Variants in LSAMP observed in about 807,000 individuals in gnomAD.
LSAMP encodes the protein limbic system associated membrane protein.
LSAMP carries 7 observed loss-of-function variants against 38.6 expected under a neutral mutation model. The ratio of observed to expected loss-of-function variants is 0.18; its 90% CI spans 0.10 to 0.34. LSAMP has a LOEUF of 0.34. Ranked by LOEUF, LSAMP falls within the 10% of genes least tolerant of loss-of-function variation. LSAMP has a pLI of 1.00. For synonymous variants in LSAMP, 154 were observed against 166.8 expected (o/e 0.92, Z 0.59); for missense variants, 313 against 420.0 (o/e 0.75, Z 2.23).
In LSAMP at chr3:116,445,224, C is replaced by T. The variant is rs560406120; in HGVS notation, c.-193G>A. The T allele has an allele frequency of 8.7e-5, 52 of 599,306 alleles. 1 individual carries two copies. The highest frequency in any genetic ancestry group is 3.9e-4 in the Admixed American group (13 of 33,138). 37.1% of individuals were successfully genotyped at this position (599,306 alleles called of 1,614,324 possible). A position where few individuals can be genotyped will look rare whatever the true frequency, so the allele number is the denominator to read the frequency against. Reference sequence around the variant, plus strand: ...TTTTCCCTCTAAGACTTAACAAAGCCCTCATAAAACCCAAGCAGAAGGGTG... The same window carrying T: ...TTTTCCCTCTAAGACTTAACAAAGCTCTCATAAAACCCAAGCAGAAGGGTG... On this transcript the variant is annotated 5_prime_UTR_variant, in exon 1 of 7. Transcript: ENST00000490035.
rs1933669318 is a variant in LSAMP, at chr3:115,808,027, T to C, written c.*2290A>G. On this transcript the variant is annotated 3_prime_UTR_variant, in exon 7 of 7. Coordinates refer to ENST00000490035, the MANE Select transcript of LSAMP (RefSeq NM_002338.5). Reference sequence around the variant, plus strand: ...AAACAATAAAATCCCTTAGAAGAAATTGAAGAAATTAACAATGCTACTTAG... The same window carrying C: ...AAACAATAAAATCCCTTAGAAGAAACTGAAGAAATTAACAATGCTACTTAG... The C allele has an allele frequency of 6.6e-6, 1 of 151,380 alleles. No homozygotes were observed. Among genetic ancestry groups the C allele is most frequent in the African/African-American group, 2.4e-5 (1 of 41,212 alleles). The allele number at this position is 151,380 out of a possible 1,614,324, so 9.4% of individuals were successfully genotyped here.
chr3:116,419,592 A>G (rs1438461485), intron 1 of LSAMP, among the ~76,000 whole-genome samples: 1 of 152,222 alleles, frequency 6.6e-6, no homozygotes, highest in Admixed American at 6.5e-5. Context: ...AAGATCTAAA[A>G]GACACTTATT....
At chr3:116,132,418 G>C (rs1006621444) in intron 1 of LSAMP, among the ~76,000 whole-genome samples, 1 of 135,420 alleles carries the variant, frequency 7.4e-6, no homozygotes, top group African/African-American at 2.6e-5. Flanking sequence ...AAGGTCAAGT[G>C]GCCTTCCTCC....
chr3:116,247,024 G>C (rs945620827), intron 1 of LSAMP, among the ~76,000 whole-genome samples: 1 of 152,124 alleles, frequency 6.6e-6, no homozygotes, highest in African/African-American at 2.4e-5. Flanking sequence ...GACACGGTCA[G>C]GAGATGGATA....
intron 1 of LSAMP, among the ~76,000 whole-genome samples, chr3:116,419,819 T>G (rs2107852924): frequency 6.6e-6 from 1 of 152,318 alleles, no homozygotes; most frequent in East Asian, 1.9e-4. Context: ...TCTACTTGTA[T>G]TAGCCATTTA....
intron 5 of LSAMP, 90 bp from the exon 6 acceptor site, chr3:115,842,083 G>T: frequency 1.5e-6 from 2 of 1,331,336 alleles, no homozygotes; most frequent in South Asian, 1.4e-5. Flanking sequence ...TGGAGGAAAA[G>T]GAGAGAAAGG....
intron 1 of LSAMP, among the ~76,000 whole-genome samples, chr3:116,226,243 T>C (rs1481226723): frequency 1.3e-5 from 2 of 152,216 alleles, no homozygotes; most frequent in East Asian, 3.8e-4. Flanking sequence ...TCATGCTTTA[T>C]AGTCAAGTTC....
At chr3:116,241,176 TAAA>T (rs201810354) in intron 1 of LSAMP, among the ~76,000 whole-genome samples, 1 of 138,450 alleles carries the variant, frequency 7.2e-6, no homozygotes, top group Admixed American at 7.3e-5. Flanking sequence ...AAACTCCATT[TAAA>T]AAAAAAAAAA....
intron 1 of LSAMP, among the ~76,000 whole-genome samples, chr3:116,286,583 C>A (rs1438911128): frequency 6.6e-6 from 1 of 152,122 alleles, no homozygotes; most frequent in African/African-American, 2.4e-5. Context: ...ACTCACCCTC[C>A]TCCAGCTTTT....
chr3:115,854,104 A>G (rs1214482361), intron 3 of LSAMP, among the ~76,000 whole-genome samples: 1 of 151,992 alleles, frequency 6.6e-6, no homozygotes, highest in East Asian at 1.9e-4. Flanking sequence ...CAATATCACT[A>G]GTTTTGAGGA....
chr3:116,397,396 C>T (rs559430067), intron 1 of LSAMP, among the ~76,000 whole-genome samples: 1 of 138,862 alleles, frequency 7.2e-6, no homozygotes, highest in Non-Finnish European at 1.6e-5. Context: ...GCCCCCCCCC[C>T]ACACACACAT....
intron 1 of LSAMP, among the ~76,000 whole-genome samples, chr3:116,136,032 T>C (rs545629429): frequency 2.0e-5 from 3 of 152,326 alleles, no homozygotes; most frequent in South Asian, 4.1e-4. Context: ...TAATGAGTTA[T>C]GTTTTTGAAA....
intron 3 of LSAMP, among the ~76,000 whole-genome samples, chr3:115,989,498 T>G (rs879746602): frequency 1.2e-4 from 18 of 152,130 alleles, no homozygotes; most frequent in Non-Finnish European, 2.2e-4. Flanking sequence ...TATTTCTCTT[T>G]CCATGTTCTC....
At chr3:116,126,466 C>T (rs927212887) in intron 1 of LSAMP, among the ~76,000 whole-genome samples, 2 of 152,094 alleles carry the variant, frequency 1.3e-5, no homozygotes, top group Admixed American at 6.5e-5. Flanking sequence ...TGAATTATAC[C>T]CCTCATTTTT....
chr3:115,952,373 A>G (rs1938319892), intron 3 of LSAMP, among the ~76,000 whole-genome samples: 1 of 152,242 alleles, frequency 6.6e-6, no homozygotes, highest in Non-Finnish European at 1.5e-5. Context: ...ACACCATGGA[A>G]TACAACTCAG....
intron 1 of LSAMP, among the ~76,000 whole-genome samples, chr3:116,277,823 G>C (rs2047076010): frequency 6.6e-6 from 1 of 152,124 alleles, no homozygotes; most frequent in Non-Finnish European, 1.5e-5. Context: ...AGAACCATGA[G>C]AGACTCAGCC....
chr3:115,979,512 T>A (rs1023994204), intron 3 of LSAMP, among the ~76,000 whole-genome samples: 1 of 152,162 alleles, frequency 6.6e-6, no homozygotes, highest in South Asian at 2.1e-4. Context: ...TGAGAAAGCA[T>A]GGCTTTGAAG....
intron 1 of LSAMP, among the ~76,000 whole-genome samples, chr3:116,107,460 G>C (rs924270894): frequency 2.1e-4 from 32 of 152,190 alleles, no homozygotes; most frequent in African/African-American, 6.8e-4. Flanking sequence ...GGACAGAAAG[G>C]CTACAGGGTG....
chr3:116,124,307 A>T (rs758118998), intron 1 of LSAMP, among the ~76,000 whole-genome samples: 2 of 152,134 alleles, frequency 1.3e-5, no homozygotes, highest in Non-Finnish European at 2.9e-5. Context: ...AACCAAATAC[A>T]TCACTGCTTC....
Sources: allele counts gnomAD v4.1 joint callset (sites outside exome capture counted in the v4.1 genomes callset), GRCh38; gene constraint gnomAD v4.1.1; transcripts MANE v1.5; gene names NCBI Gene and HGNC (gene_info 2026-07-23, HGNC 2026-07-21).